KANSL1L: variants seen among roughly 807,000 people sequenced by gnomAD.
The protein encoded by KANSL1L is KAT8 regulatory NSL complex subunit 1-like protein.
A neutral mutation model predicts 108.6 loss-of-function variants in KANSL1L; 25 were observed. That is an observed-to-expected ratio of 0.23 (90% CI 0.17 to 0.32). The LOEUF is 0.32. KANSL1L is among the 10% of genes least tolerant of loss of function. The pLI is 1.00. For missense variants in KANSL1L, 1,137 were observed against 1,125.7 expected, an observed-to-expected ratio of 1.01 and a Z score of -0.14; for synonymous variants, 405 against 395.1, an observed-to-expected ratio of 1.03 and a Z score of -0.30.
chr2:210,157,598 G>T (rs1023492853), intron 1 of KANSL1L, among the ~76,000 whole-genome samples: 1 of 149,054 alleles, frequency 6.7e-6, no homozygotes, highest in Non-Finnish European at 1.5e-5. Flanking sequence ...GGCTAAGGCA[G>T]GAAGATCACT....
chr2:210,057,769 A>G (rs1043778854), intron 6 of KANSL1L, among the ~76,000 whole-genome samples: 5 of 152,172 alleles, frequency 3.3e-5, no homozygotes, highest in South Asian at 2.1e-4. Context: ...CTTTACCACA[A>G]TCTCCGAACA....
At chr2:210,168,967 A>G (rs919175777) in intron 1 of KANSL1L, among the ~76,000 whole-genome samples, 33 of 152,190 alleles carry the variant, frequency 2.2e-4, no homozygotes, top group Admixed American at 2.2e-3. Context: ...AAGTTAAAAA[A>G]TAAAAGATAC....
At position 210,104,271 on chromosome 2, in the gene KANSL1L, G is replaced by C. The variant is rs1467394899; in HGVS notation, c.1261C>G (p.Pro421Ala). Residue 421 changes from proline to alanine, a missense_variant, in exon 4 of 15, where the codon CCA (proline) becomes GCA (alanine). Coordinates refer to ENST00000281772, the MANE Select transcript of KANSL1L (RefSeq NM_152519.4). ...ATTTGTTTTTTCAAAATATCTTTTG[G>C]AAGCTGACATTCTTCTAGGACCACT... ...GIVVLEECQL[P>A]KDILKKQMQF... 3 of 1,613,722 alleles carry C rather than the reference G, an allele frequency of 1.9e-6. No individual in the cohort carries two copies. The South Asian group carries it at 3.3e-5, about 18-fold the overall frequency.
chr2:210,049,797 C>CA (rs1036496058), intron 6 of KANSL1L, among the ~76,000 whole-genome samples: 2 of 152,126 alleles, frequency 1.3e-5, no homozygotes, highest in Admixed American at 1.3e-4. Context: ...ATTAAAAAAT[C>CA]AGTTTTGATA....
At chr2:210,163,991 C>G (rs2095374032) in intron 1 of KANSL1L, among the ~76,000 whole-genome samples, 1 of 151,748 alleles carries the variant, frequency 6.6e-6, no homozygotes. Flanking sequence ...GAAGGAGTCT[C>G]AAGGCAAAAA....
At chr2:210,139,597 CA>C (rs1254427027) in intron 2 of KANSL1L, among the ~76,000 whole-genome samples, 1 of 152,146 alleles carries the variant, frequency 6.6e-6, no homozygotes, top group African/African-American at 2.4e-5. Flanking sequence ...GCCATTTTAA[CA>C]GGTGTGAGAC....
At position 210,153,547 on chromosome 2, in the gene KANSL1L, T is replaced by G; in HGVS notation, c.1036A>C (p.Ser346Arg). ...EEGLDSDATD[S>R]SSDDDLDEYT... is the part of the protein sequence containing the mutation. ...TCATCCAAATCGTCATCAGAGCTGC[T>G]ATCAGTTGCATCGGAATCCAAACCC... Residue 346 changes from serine to arginine, a missense_variant, in exon 2 of 15, where the codon AGC (serine) becomes CGC (arginine). Coordinates refer to ENST00000281772, the MANE Select transcript of KANSL1L (RefSeq NM_152519.4). 6.2e-7 allele frequency: 1 copy of G among 1,614,136 alleles called. No homozygotes were observed. Among genetic ancestry groups the G allele is most frequent in the Non-Finnish European group, 8.5e-7 (1 of 1,180,024 alleles).
chr2:210,063,105 G>T (rs2094435777), intron 6 of KANSL1L, among the ~76,000 whole-genome samples: 1 of 152,210 alleles, frequency 6.6e-6, no homozygotes, highest in Non-Finnish European at 1.5e-5. Flanking sequence ...TGTCCCAGCT[G>T]CTCCAGTCAT....
intron 6 of KANSL1L, among the ~76,000 whole-genome samples, chr2:210,058,764 G>A (rs2125261258): frequency 6.6e-6 from 1 of 151,888 alleles, no homozygotes; most frequent in East Asian, 1.9e-4. Flanking sequence ...GTGAACCCGG[G>A]AGGCGCAATT....
At chr2:210,118,848 GA>G (rs199816567) in intron 3 of KANSL1L, among the ~76,000 whole-genome samples, 20,760 of 120,398 alleles carry the variant, frequency 0.17, 1,807 homozygotes, top group East Asian at 0.33. Context: ...TGTCTCAAGA[GA>G]AAAAAAAAAA....
Position 210,022,629 on chromosome 2 carries a change from T to G in KANSL1L, c.*320A>C. 6.8e-6 allele frequency: 2 copies of G among 296,100 alleles called. No individual in the cohort carries two copies. The highest frequency in any genetic ancestry group is 3.9e-5 in the South Asian group (1 of 25,824). 18.3% of individuals were successfully genotyped at this position (296,100 alleles called of 1,614,324 possible). A position where few individuals can be genotyped will look rare whatever the true frequency, so the allele number is the denominator to read the frequency against. On this transcript the variant is annotated 3_prime_UTR_variant, in exon 15 of 15. Transcript: ENST00000281772. ...ATGTATGTGTATATATATATGTATG[T>G]ATGTATGGTGTGGGTACATAGTCTT... is the stretch of plus-strand genomic sequence containing the variant.
At chr2:210,098,056 T>C (rs764844665) in intron 5 of KANSL1L, 30 bp downstream of exon 5, 1 of 1,546,876 alleles carries the variant, frequency 6.5e-7, no homozygotes, top group Non-Finnish European at 8.7e-7. Flanking sequence ...AAGTTGAATT[T>C]AAAAGCTAAG....
chr2:210,039,610 A>AAAAT (rs1456118872), intron 8 of KANSL1L, among the ~76,000 whole-genome samples: 7 of 151,836 alleles, frequency 4.6e-5, no homozygotes, highest in Non-Finnish European at 8.9e-5. Context: ...GTAGATAATC[A>AAAAT]AAATATGTTG....
chr2:210,053,599 A>G (rs1345233269), intron 6 of KANSL1L, among the ~76,000 whole-genome samples: 1 of 151,830 alleles, frequency 6.6e-6, no homozygotes, highest in African/African-American at 2.4e-5. Flanking sequence ...TCATGTCAAC[A>G]CAAACAAACA....
chr2:210,124,145 A>G (rs1230687593), intron 3 of KANSL1L, among the ~76,000 whole-genome samples: 1 of 152,194 alleles, frequency 6.6e-6, no homozygotes, highest in Non-Finnish European at 1.5e-5. Flanking sequence ...ACTACACAAT[A>G]AACCAACTAG....
chr2:210,160,120 T>C (rs1390287406), intron 1 of KANSL1L, among the ~76,000 whole-genome samples: 1 of 152,198 alleles, frequency 6.6e-6, no homozygotes, highest in Non-Finnish European at 1.5e-5. Flanking sequence ...AGAAAAAGCA[T>C]TTGACAAAAT....
chr2:210,097,332 A>G, intron 5 of KANSL1L: 1 of 751,488 alleles, frequency 1.3e-6, no homozygotes, highest in Non-Finnish European at 1.6e-6. Context: ...TAAATTATAT[A>G]ATTTTTAACA....
chr2:210,086,444 A>G (rs2094637910), intron 5 of KANSL1L, among the ~76,000 whole-genome samples: 1 of 151,264 alleles, frequency 6.6e-6, no homozygotes, highest in Non-Finnish European at 1.5e-5. Context: ...TTAGTTGCAC[A>G]GTTCCTGGTG....
At chr2:210,129,627 A>C (rs558637579) in intron 2 of KANSL1L, among the ~76,000 whole-genome samples, 34 of 152,314 alleles carry the variant, frequency 2.2e-4, no homozygotes, top group Non-Finnish European at 4.6e-4. Context: ...TACTATAAGT[A>C]ATTTTTATTT....
Sources: allele counts gnomAD v4.1 joint callset (sites outside exome capture counted in the v4.1 genomes callset), GRCh38; gene constraint gnomAD v4.1.1; transcripts MANE v1.5; gene names NCBI Gene and HGNC (gene_info 2026-07-23, HGNC 2026-07-21).